HSD17B4: variants seen among roughly 807,000 people sequenced by gnomAD.
HSD17B4 encodes peroxisomal multifunctional enzyme type 2.
HSD17B4 carries 70 observed loss-of-function variants against 101.0 expected under a neutral mutation model. The observed-to-expected ratio is 0.69, with a 90% confidence interval of 0.57 to 0.85. The LOEUF is 0.85. HSD17B4 is among the 40% of genes least tolerant of loss of function. The pLI is 0.00. For missense variants in HSD17B4, 984 were observed against 892.4 expected (o/e 1.10, Z -1.31); for synonymous variants, 347 against 297.1 (o/e 1.17, Z -1.73).
At chr5:119,532,877 A>G (rs1272882401) in intron 22 of HSD17B4, among the ~76,000 whole-genome samples, 1 of 152,064 alleles carries the variant, frequency 6.6e-6, no homozygotes, top group African/African-American at 2.4e-5. Context: ...TTTTTTTCTC[A>G]TGATTCACTG....
chr5:119,515,163 T>G, intron 17 of HSD17B4, 117 bp downstream of exon 17: 7 of 701,706 alleles, frequency 1.0e-5, no homozygotes, highest in Non-Finnish European at 1.8e-5. Flanking sequence ...TATGTTATTA[T>G]TCAACATAAT....
chr5:119,507,491 T>C (rs1248184018), intron 15 of HSD17B4, among the ~76,000 whole-genome samples: 2 of 152,162 alleles, frequency 1.3e-5, no homozygotes, highest in African/African-American at 4.8e-5. Flanking sequence ...GCTTAAAATT[T>C]GTAAATTTTA....
At chr5:119,511,892 A>T (rs1752208438) in intron 16 of HSD17B4, among the ~76,000 whole-genome samples, 1 of 152,270 alleles carries the variant, frequency 6.6e-6, no homozygotes, top group South Asian at 2.1e-4. Flanking sequence ...CATAGACGGA[A>T]GAAACAAACA....
chr5:119,473,992 G>A lies in HSD17B4; in HGVS notation c.197G>A (p.Gly66Asp). ...GTTGTTGAAGAAATAAGAAGGAGAG[G>A]TGGAAAAGCAGTGGCCAACTATGGT... ...DKVVEEIRRR[G>D]GKAVANYDSV... is the part of the protein sequence containing the mutation. The change falls in exon 3 of 24, where the codon GGT becomes GAT. Residue 66 changes from glycine (G) to aspartate (D), a missense_variant. Physicochemically the swap from Gly to Asp is moderately conservative, Grantham distance 94. Transcript: ENST00000510025. 1 of 1,607,324 alleles carries A rather than the reference G, an allele frequency of 6.2e-7. No individual in the cohort carries two copies. Among genetic ancestry groups the A allele is most frequent in the Non-Finnish European group, 8.5e-7 (1 of 1,174,160 alleles).
intron 2 of HSD17B4, among the ~76,000 whole-genome samples, chr5:119,466,034 G>A (rs1164009078): frequency 1.3e-5 from 2 of 152,118 alleles, no homozygotes; most frequent in Non-Finnish European, 2.9e-5. Flanking sequence ...TTATCCTGAA[G>A]GAATATTGAA....
chr5:119,484,141 G>A (rs905982524), intron 8 of HSD17B4, among the ~76,000 whole-genome samples: 5 of 152,146 alleles, frequency 3.3e-5, no homozygotes, highest in African/African-American at 1.2e-4. Context: ...CCAGCAATTC[G>A]AGGCTACAGT....
At chr5:119,499,883 A>T (rs992113438) in intron 13 of HSD17B4, among the ~76,000 whole-genome samples, 1 of 152,192 alleles carries the variant, frequency 6.6e-6, no homozygotes. Flanking sequence ...TAAAATGGAT[A>T]TGATAATCCT....
rs1748689697 is a variant in HSD17B4 at position 119,477,439 on chromosome 5, G to T, written c.372G>T (p.Leu124Phe). 1 of 1,611,388 alleles carries T rather than the reference G, an allele frequency of 6.2e-7. No individual in the cohort carries two copies. Among genetic ancestry groups the T allele is most frequent in the African/African-American group, 1.3e-5 (1 of 74,918 alleles). The change falls in exon 7 of 24, where the codon TTG (leucine) becomes TTT (phenylalanine). Residue 124 changes from leucine (L) to phenylalanine (F), a missense_variant. Leu to Phe is a conservative substitution (Grantham distance 22, BLOSUM62 0). Transcript: ENST00000510025. ...EDWDIIHRVHLRGSFQVTRAA... is the reference protein window; with the variant it reads ...EDWDIIHRVHFRGSFQVTRAA... ...TAGATATAATCCACAGAGTTCATTT[G>T]CGGGGTTCATTCCAAGTGACACGGG...
At chr5:119,463,284 C>A (rs190450355) in intron 2 of HSD17B4, among the ~76,000 whole-genome samples, 28 of 152,248 alleles carry the variant, frequency 1.8e-4, no homozygotes, top group African/African-American at 6.3e-4. Flanking sequence ...GGTTCCATAT[C>A]TTGACTATTG....
At chr5:119,452,771 A>G (rs1361617497) in intron 1 of HSD17B4, 138 bp downstream of exon 1, 3 of 1,566,640 alleles carry the variant, frequency 1.9e-6, no homozygotes, top group Admixed American at 3.8e-5. Flanking sequence ...TTCTTGAGGC[A>G]CCGCATCTCT....
intron 1 of HSD17B4, among the ~76,000 whole-genome samples, chr5:119,455,568 C>CTCTCTCTCTA (rs35030315): frequency 3.7e-5 from 5 of 136,484 alleles, no homozygotes; most frequent in African/African-American, 1.4e-4. Context: ...CTCTCTCTCT[C>CTCTCTCTCTA]TATATATATA....
At chr5:119,531,453 A>C (rs1286113413) in intron 22 of HSD17B4, 49 bp downstream of exon 22, 1 of 1,553,900 alleles carries the variant, frequency 6.4e-7, no homozygotes, top group South Asian at 1.1e-5. Flanking sequence ...TTCTTAGTAA[A>C]TAAAGTATCT....
intron 2 of HSD17B4, among the ~76,000 whole-genome samples, chr5:119,463,422 A>G (rs11738162): frequency 0.25 from 37,807 of 151,752 alleles, 5,221 homozygotes; most frequent in African/African-American, 0.36. Context: ...GTTTTTTTGA[A>G]TAACCTCCAT....
chr5:119,524,587 A>G (rs979361287), intron 17 of HSD17B4, among the ~76,000 whole-genome samples: 1 of 152,136 alleles, frequency 6.6e-6, no homozygotes, highest in African/African-American at 2.4e-5. Context: ...AACGCCAGAA[A>G]GTATGGTGAC....
chr5:119,542,055 CTTGA>C lies in HSD17B4; in HGVS notation c.*64_*67del, dbSNP rs1183808189. The C allele has an allele frequency of 1.7e-5, 19 of 1,101,772 alleles. No individual in the cohort carries two copies. Among genetic ancestry groups the C allele is most frequent in the Non-Finnish European group, 2.5e-5 (18 of 719,972 alleles). 68.2% of individuals were successfully genotyped at this position (1,101,772 alleles called of 1,614,324 possible). A position where few individuals can be genotyped will look rare whatever the true frequency, so the allele number is the denominator to read the frequency against. On this transcript the variant is annotated 3_prime_UTR_variant, in exon 24 of 24. Coordinates refer to ENST00000510025, the MANE Select transcript of HSD17B4 (RefSeq NM_000414.4). ...TAAATACTCTCTTCACCCAAATATG[CTTGA>C]TTATTCTGCAAAAGTGATTAGAACT... is the stretch of plus-strand genomic sequence containing the variant.
intron 8 of HSD17B4, among the ~76,000 whole-genome samples, chr5:119,480,821 A>T (rs547037879): frequency 1.5e-4 from 23 of 152,208 alleles, no homozygotes; most frequent in Non-Finnish European, 2.8e-4. Flanking sequence ...TCAGAGACCT[A>T]CCCCTAGGTG....
At chr5:119,534,603 T>G (rs1236253128) in intron 22 of HSD17B4, among the ~76,000 whole-genome samples, 2 of 152,084 alleles carry the variant, frequency 1.3e-5, no homozygotes, top group East Asian at 1.9e-4. Flanking sequence ...CAAACCAGAT[T>G]GCCGCTTAGG....
intron 22 of HSD17B4, among the ~76,000 whole-genome samples, chr5:119,535,100 G>A (rs1754425079): frequency 6.6e-6 from 1 of 151,856 alleles, no homozygotes; most frequent in Non-Finnish European, 1.5e-5. Flanking sequence ...TCCATCATAT[G>A]TGTTTTTTTC....
Position 119,460,392 on chromosome 5 carries a change from G to T in HSD17B4, c.112+4024G>T, listed in dbSNP as rs564243314. ...CATAAGAAGGCACATGTGAATTCCA[G>T]CTGATAATAAATGAGCCGTACATGA... is the stretch of plus-strand genomic sequence containing the variant. On this transcript the variant is annotated intron_variant, in intron 2 of 23. Transcript: ENST00000510025. Among the ~76,000 whole-genome samples the T allele has an allele frequency of 2.0e-5, 3 of 152,314 alleles. No individual in the cohort carries two copies. In the South Asian group the frequency reaches 6.2e-4, roughly 32 times the overall value.
Sources: allele counts gnomAD v4.1 joint callset (sites outside exome capture counted in the v4.1 genomes callset), GRCh38; gene constraint gnomAD v4.1.1; transcripts MANE v1.5; gene names NCBI Gene and HGNC (gene_info 2026-07-23, HGNC 2026-07-21).